TOX2: variants seen among roughly 807,000 people sequenced by gnomAD.
The protein encoded by TOX2 is TOX high mobility group box family member 2.
In TOX2, 15 loss-of-function variants were observed where a neutral mutation model predicts 47.4. The ratio of observed to expected loss-of-function variants is 0.32; its 90% CI spans 0.21 to 0.49. The LOEUF (loss-of-function observed/expected upper bound fraction) is 0.49. Ranked by LOEUF, TOX2 falls within the 20% of genes least tolerant of loss-of-function variation. The pLI, the probability that TOX2 is intolerant of heterozygous loss-of-function variation, is 0.99. For synonymous variants in TOX2, 290 were observed against 296.6 expected, an observed-to-expected ratio of 0.98 and a Z score of 0.23; for missense variants, 622 against 673.1, an observed-to-expected ratio of 0.92 and a Z score of 0.84.
At chr20:43,955,129 T>C (rs2069645944) in intron 1 of TOX2, 1 of 457,312 alleles carries the variant, frequency 2.2e-6, no homozygotes, top group Non-Finnish European at 2.9e-6. Context: ...TGCAGAAATA[T>C]GAATGTGTTC....
intron 3 of TOX2, among the ~76,000 whole-genome samples, chr20:44,030,109 C>T (rs780739746): frequency 6.6e-6 from 1 of 152,134 alleles, no homozygotes; most frequent in African/African-American, 2.4e-5. Context: ...GCAATCGGCC[C>T]CCACCTGGAA....
At chr20:43,977,273 G>T (rs113755142) in intron 2 of TOX2, among the ~76,000 whole-genome samples, 6,138 of 152,052 alleles carry the variant, frequency 0.04, 407 homozygotes, top group African/African-American at 0.13. Context: ...CAGCTGATTT[G>T]TGTGTGTGTG....
chr20:43,984,875 G>C (rs529333568), intron 2 of TOX2, among the ~76,000 whole-genome samples: 1 of 152,206 alleles, frequency 6.6e-6, no homozygotes, highest in Non-Finnish European at 1.5e-5. Context: ...GTGATTTCAA[G>C]GATTTTCTTA....
At chr20:44,058,428 T>A (rs77653771) in intron 5 of TOX2, among the ~76,000 whole-genome samples, 1 of 152,158 alleles carries the variant, frequency 6.6e-6, no homozygotes, top group Non-Finnish European at 1.5e-5. Flanking sequence ...TACCTGATGG[T>A]CTTTCTCTAC....
chr20:43,943,732 T>C (rs2069430865), intron 1 of TOX2, among the ~76,000 whole-genome samples: 1 of 152,236 alleles, frequency 6.6e-6, no homozygotes, highest in Non-Finnish European at 1.5e-5. Flanking sequence ...GACAATCAAT[T>C]ATACCTTTCA....
At chr20:43,982,631 C>T (rs2070187952) in intron 2 of TOX2, among the ~76,000 whole-genome samples, 1 of 151,846 alleles carries the variant, frequency 6.6e-6, no homozygotes, top group African/African-American at 2.4e-5. Flanking sequence ...GGGAGAAGCT[C>T]CTGGGAGGTG....
At chr20:43,989,727 G>A (rs577855639) in intron 2 of TOX2, among the ~76,000 whole-genome samples, 187 of 151,384 alleles carry the variant, frequency 1.2e-3, no homozygotes, top group African/African-American at 4.4e-3. Flanking sequence ...TTACAGTGAG[G>A]CGAGATCACG....
chr20:44,031,073 AATGCACAAAG>A (rs1287872345), intron 3 of TOX2, among the ~76,000 whole-genome samples: 1 of 152,166 alleles, frequency 6.6e-6, no homozygotes, highest in Non-Finnish European at 1.5e-5. Context: ...ACAAGGGCAA[AATGCACAAAG>A]ATGGAGAAGC....
intron 2 of TOX2, among the ~76,000 whole-genome samples, chr20:43,979,022 G>A (rs952656522): frequency 6.6e-6 from 1 of 152,084 alleles, no homozygotes; most frequent in Non-Finnish European, 1.5e-5. Context: ...AGAAACGGAG[G>A]GGTAAAGGAT....
intron 3 of TOX2, among the ~76,000 whole-genome samples, chr20:44,011,550 G>T (rs765976875): frequency 2.6e-5 from 4 of 152,218 alleles, no homozygotes; most frequent in Non-Finnish European, 5.9e-5. Flanking sequence ...CTGTCATGCA[G>T]CTCTTAAACA....
intron 1 of TOX2, among the ~76,000 whole-genome samples, chr20:43,930,101 C>T (rs2069234050): frequency 6.6e-6 from 1 of 152,196 alleles, no homozygotes. Flanking sequence ...GCAATAGGCT[C>T]ATGCTTATTT....
chr20:44,002,906 G>T (rs184980803), intron 2 of TOX2, among the ~76,000 whole-genome samples: 11 of 152,284 alleles, frequency 7.2e-5, no homozygotes, highest in Admixed American at 3.9e-4. Flanking sequence ...AACACTTTTG[G>T]CTCAGCCCCA....
intron 1 of TOX2, among the ~76,000 whole-genome samples, chr20:43,941,591 C>A (rs2069403609): frequency 6.6e-6 from 1 of 152,152 alleles, no homozygotes; most frequent in South Asian, 2.1e-4. Flanking sequence ...CTTCGGCCTC[C>A]CAAAGTGTTG....
intron 2 of TOX2, among the ~76,000 whole-genome samples, chr20:43,996,372 T>C (rs2070480387): frequency 6.6e-6 from 1 of 152,048 alleles, no homozygotes; most frequent in East Asian, 1.9e-4. Context: ...CTGTTTAGAG[T>C]GAAATAAAAC....
intron 1 of TOX2, among the ~76,000 whole-genome samples, chr20:43,938,965 C>T (rs539946088): frequency 1.3e-5 from 2 of 152,282 alleles, no homozygotes; most frequent in South Asian, 4.1e-4. Context: ...GGTGCCCTCG[C>T]TTCTAGAAGC....
Position 43,946,065 on chromosome 20 carries a change from T to G in TOX2, c.100-27302T>G, listed in dbSNP as rs1213310432. Reference sequence around the variant, plus strand: ...TAAGCAGCGGGTGCCCACCGCCCCATGAGGTGGAGGTGGTCAGGCCGTCAC... The same window carrying G: ...TAAGCAGCGGGTGCCCACCGCCCCAGGAGGTGGAGGTGGTCAGGCCGTCAC... On this transcript the variant is annotated intron_variant, in intron 1 of 8. Transcript: ENST00000341197. The G allele has an allele frequency of 3.1e-6, 5 of 1,611,214 alleles. No individual in the cohort carries two copies. The African/African-American group carries it at 4.0e-5, about 13-fold the overall frequency.
At position 44,006,760 on chromosome 20, in the gene TOX2, G is replaced by C; in HGVS notation, c.379G>C (p.Asp127His). ...CATGGTGTCCAACATGCTAGCACAGGACAGCCACCTGCTGTCGGGCCAGCT... is the reference window on the plus strand; with the variant it reads ...CATGGTGTCCAACATGCTAGCACAGCACAGCCACCTGCTGTCGGGCCAGCT... ...AIMVSNMLAQ[D>H]SHLLSGQLPT... Residue 127 changes from aspartate to histidine, a missense_variant, in exon 3 of 9, where the codon GAC (aspartate) becomes CAC (histidine). Physicochemically the swap from Asp to His is moderately conservative, Grantham distance 81. Transcript: ENST00000341197. 1 of 1,613,920 alleles carries C rather than the reference G, an allele frequency of 6.2e-7. No homozygotes were observed.
At chr20:44,037,219 G>A (rs985535493) in intron 3 of TOX2, among the ~76,000 whole-genome samples, 2 of 152,234 alleles carry the variant, frequency 1.3e-5, no homozygotes, top group South Asian at 4.1e-4. Context: ...CTCCCAAAGT[G>A]TTGGGATTAC....
At chr20:43,996,714 C>T (rs1004153306) in intron 2 of TOX2, among the ~76,000 whole-genome samples, 1 of 151,736 alleles carries the variant, frequency 6.6e-6, no homozygotes, top group Non-Finnish European at 1.5e-5. Context: ...CATCTGTTTC[C>T]TGGTATAATT....
Sources: gnomAD v4.1 joint callset for allele counts (sites outside exome capture counted in the v4.1 genomes callset) on GRCh38, gnomAD v4.1.1 for gene constraint, MANE v1.5 for transcripts, NCBI Gene and HGNC (gene_info 2026-07-23, HGNC 2026-07-21) for gene names.